CNTN4: variants seen among roughly 807,000 people sequenced by gnomAD.
CNTN4 encodes contactin-4.
In CNTN4, 77 loss-of-function variants were observed where a neutral mutation model predicts 122.5. That is an observed-to-expected ratio of 0.63 (90% confidence interval 0.52 to 0.76). The LOEUF is 0.76. Among genes scored for constraint, CNTN4 ranks in the 30% least tolerant of loss-of-function variants. CNTN4 has a pLI of 0.00. For missense variants in CNTN4, 1,256 were observed against 1,259.1 expected (o/e 1.00, Z 0.04); for synonymous variants, 512 against 447.0 (o/e 1.15, Z -1.83).
chr3:2,195,796 C>T (rs149297850), intron 2 of CNTN4, among the ~76,000 whole-genome samples: 14 of 152,254 alleles, frequency 9.2e-5, no homozygotes, highest in Admixed American at 2.0e-4. Flanking sequence ...GAAAATATTC[C>T]GTGACACTTA....
Position 2,566,051 on chromosome 3 carries a change from A to G in CNTN4, c.-88-5365A>G, listed in dbSNP as rs188556991. 2.2e-4 allele frequency among the ~76,000 whole-genome samples: 33 copies of G among 152,362 alleles called. No homozygotes were observed. In the East Asian group the frequency reaches 6.4e-3, roughly 29 times the overall value. On this transcript the variant is annotated intron_variant, in intron 3 of 24. Transcript: ENST00000418658. ...CACTAGTGAAACGTAGCCTTCCGAC[A>G]AAGTCTCAGCTCTGAAACCTGTGCT...
intron 13 of CNTN4, among the ~76,000 whole-genome samples, chr3:2,929,799 G>A (rs978855213): frequency 3.9e-5 from 6 of 152,186 alleles, no homozygotes; most frequent in Non-Finnish European, 7.3e-5. Flanking sequence ...GGCACATGGG[G>A]AAGCCCATCT....
chr3:2,826,141 C>T lies in CNTN4; in HGVS notation c.454+6560C>T, dbSNP rs77292316. On this transcript the variant is annotated intron_variant, in intron 7 of 24. Coordinates refer to ENST00000418658, the MANE Select transcript of CNTN4 (RefSeq NM_175607.3). ...ATAAGAGTTACTGTTGCCTAGAATG[C>T]GCCCTTTTATTTGTATATAGCAGAA... Among the ~76,000 whole-genome samples, 267 of 152,244 alleles carry T rather than the reference C, an allele frequency of 1.8e-3. 1 individual carries two copies. Among genetic ancestry groups the T allele is most frequent in the African/African-American group, 5.9e-3 (246 of 41,534 alleles).
chr3:2,497,007 G>C (rs770530158), intron 3 of CNTN4, among the ~76,000 whole-genome samples: 5 of 152,096 alleles, frequency 3.3e-5, no homozygotes, highest in Non-Finnish European at 7.4e-5. Context: ...CAGCCTTTTT[G>C]TTCTGTCTGG....
chr3:2,974,715 G>A (rs1436859175), intron 13 of CNTN4, among the ~76,000 whole-genome samples: 3 of 152,206 alleles, frequency 2.0e-5, no homozygotes, highest in Non-Finnish European at 4.4e-5. Flanking sequence ...TAGGGACAGG[G>A]AGAGACCTTG....
In CNTN4 at chr3:2,174,446, G is replaced by C. The variant is rs568863818; in HGVS notation, c.-145+73807G>C. On this transcript the variant is annotated intron_variant, in intron 2 of 24. Coordinates refer to ENST00000418658, the MANE Select transcript of CNTN4 (RefSeq NM_175607.3). ...AAGGAGCTGGCAAATTGGATGTCTG[G>C]TGAGGGCCCACTTCTGGTTCATAGC... Among the ~76,000 whole-genome samples the C allele has an allele frequency of 4.6e-5, 7 of 152,232 alleles. No homozygotes were observed. The South Asian group carries it at 1.5e-3, about 32-fold the overall frequency.
At chr3:2,582,139 G>C (rs2079971610) in intron 4 of CNTN4, among the ~76,000 whole-genome samples, 1 of 152,146 alleles carries the variant, frequency 6.6e-6, no homozygotes, top group Non-Finnish European at 1.5e-5. Context: ...AGGCTGAATT[G>C]TATGATGTGT....
At chr3:2,280,915 G>T (rs2041691066) in intron 2 of CNTN4, among the ~76,000 whole-genome samples, 1 of 152,172 alleles carries the variant, frequency 6.6e-6, no homozygotes, top group Non-Finnish European at 1.5e-5. Context: ...CTCCAACAGA[G>T]CCTTGGGATG....
intron 4 of CNTN4, among the ~76,000 whole-genome samples, chr3:2,685,949 G>A (rs1231176321): frequency 6.6e-6 from 1 of 152,100 alleles, no homozygotes; most frequent in African/African-American, 2.4e-5. Context: ...ACTGATTTTT[G>A]TTTGGAGAAA....
intron 4 of CNTN4, among the ~76,000 whole-genome samples, chr3:2,626,508 A>G (rs890811768): frequency 6.8e-6 from 1 of 147,858 alleles, no homozygotes; most frequent in African/African-American, 2.5e-5. Flanking sequence ...AAAAAAAAAC[A>G]ACAAAAAACA....
intron 12 of CNTN4, among the ~76,000 whole-genome samples, chr3:2,925,128 A>G (rs2094461086): frequency 1.3e-5 from 2 of 152,202 alleles, no homozygotes; most frequent in South Asian, 4.1e-4. Flanking sequence ...AACTGTACAC[A>G]CACAAATGTA....
intron 3 of CNTN4, among the ~76,000 whole-genome samples, chr3:2,520,596 C>CCT (rs766575457): frequency 2.6e-5 from 4 of 151,884 alleles, no homozygotes; most frequent in Non-Finnish European, 5.9e-5. Flanking sequence ...TTTAAAAAAA[C>CCT]TTTTGATACT....
chr3:2,797,920 ATTT>A (rs10684232), intron 6 of CNTN4, among the ~76,000 whole-genome samples: 11 of 137,838 alleles, frequency 8.0e-5, no homozygotes, highest in Admixed American at 2.9e-4. Context: ...CACACTGAGT[ATTT>A]TTTTTTTTTT....
chr3:2,336,220 A>AT (rs201369215), intron 2 of CNTN4, among the ~76,000 whole-genome samples: 11,554 of 148,094 alleles, frequency 0.078, 497 homozygotes, highest in Middle Eastern at 0.089. Context: ...TTTGTTGTTT[A>AT]TTTGGGGGGG....
At chr3:2,849,152 G>A (rs1319603378) in intron 7 of CNTN4, among the ~76,000 whole-genome samples, 1 of 152,204 alleles carries the variant, frequency 6.6e-6, no homozygotes, top group Non-Finnish European at 1.5e-5. Flanking sequence ...CAGGATTCAA[G>A]AAACTTGATT....
intron 2 of CNTN4, among the ~76,000 whole-genome samples, chr3:2,205,918 C>T (rs2038320736): frequency 6.6e-6 from 1 of 152,028 alleles, no homozygotes; most frequent in Non-Finnish European, 1.5e-5. Context: ...ATAAAAGTCT[C>T]ATTTTGAGGA....
At chr3:2,405,826 C>T (rs962665470) in intron 3 of CNTN4, among the ~76,000 whole-genome samples, 6 of 151,982 alleles carry the variant, frequency 3.9e-5, no homozygotes, top group African/African-American at 1.5e-4. Context: ...AGATCAAGAC[C>T]AGCCTGGGCA....
intron 7 of CNTN4, among the ~76,000 whole-genome samples, chr3:2,823,426 A>G (rs2092919793): frequency 1.3e-5 from 2 of 152,192 alleles, no homozygotes; most frequent in Admixed American, 6.5e-5. Context: ...GTCAGCAGGT[A>G]TTTCCAGCAC....
intron 13 of CNTN4, among the ~76,000 whole-genome samples, chr3:2,966,240 A>T (rs975537713): frequency 1.3e-4 from 19 of 151,348 alleles, no homozygotes; most frequent in Non-Finnish European, 1.3e-4. Context: ...AGTTAACTTT[A>T]TTTTTTTTTA....
Sources: gnomAD v4.1 joint callset for allele counts (sites outside exome capture counted in the v4.1 genomes callset) on GRCh38, gnomAD v4.1.1 for gene constraint, MANE v1.5 for transcripts, NCBI Gene and HGNC (gene_info 2026-07-23, HGNC 2026-07-21) for gene names.